The following STAM variants were observed in gnomAD, a reference collection of about 807,000 sequenced individuals.
STAM encodes the protein signal transducing adapter molecule 1.
STAM carries 16 observed loss-of-function variants against 63.4 expected under a neutral mutation model. That is an observed-to-expected ratio of 0.25 (90% CI 0.17 to 0.38). STAM has a LOEUF of 0.38. STAM is among the 10% of genes least tolerant of loss of function. STAM has a pLI of 1.00. For missense variants in STAM, 636 were observed against 657.1 expected, an observed-to-expected ratio of 0.97 and a Z score of 0.35; for synonymous variants, 238 against 223.9, an observed-to-expected ratio of 1.06 and a Z score of -0.56.
chr10:17,715,071 C>A lies in STAM; in HGVS notation c.*291C>A, dbSNP rs1354274282. On this transcript the variant is annotated 3_prime_UTR_variant, in exon 14 of 14. Transcript: ENST00000377524. ...CTCGTAAACCTGGTCTGCAGAAAGT[C>A]AAACTTACAAAAACTGTTGTGACAA... The A allele has an allele frequency of 1.0e-5, 4 of 396,470 alleles. No individual in the cohort carries two copies. The highest frequency in any genetic ancestry group is 1.9e-5 in the Non-Finnish European group (4 of 211,048). The allele number at this position is 396,470 out of a possible 1,614,324, so 24.6% of individuals were successfully genotyped here. A position where few individuals can be genotyped will look rare whatever the true frequency, so the allele number is the denominator to read the frequency against.
chr10:17,672,028 G>T (rs1834661257), intron 2 of STAM, among the ~76,000 whole-genome samples: 1 of 152,184 alleles, frequency 6.6e-6, no homozygotes, highest in Non-Finnish European at 1.5e-5. Context: ...TTTCAACTGA[G>T]ATATAGAGCT....
chr10:17,688,077 A>G lies in STAM; in HGVS notation c.348A>G (p.Thr116=). 3 of 1,610,240 alleles carry G rather than the reference A, an allele frequency of 1.9e-6. No individual in the cohort carries two copies. The highest frequency in any genetic ancestry group is 1.7e-5 in the Admixed American group (1 of 59,574). ...TAAAGGCTCTTATGGTTGAATGGAC[A>G]GATGAATTTAAGAATGATCCACAGC... The part of the protein sequence containing the change: ...EKLKALMVEW[T]DEFKNDPQLS... The change falls in exon 5 of 14, where the codon ACA becomes ACG. Residue 116 remains threonine, a synonymous_variant. Coordinates refer to ENST00000377524, the MANE Select transcript of STAM (RefSeq NM_003473.4).
intron 2 of STAM, among the ~76,000 whole-genome samples, chr10:17,662,069 A>G (rs782633173): frequency 9.9e-5 from 15 of 152,104 alleles, no homozygotes; most frequent in Middle Eastern, 3.4e-3. Flanking sequence ...TAGCGAATTA[A>G]CCCACTGGCA....
chr10:17,650,771 T>A (rs1350137577), intron 1 of STAM, among the ~76,000 whole-genome samples: 1 of 152,128 alleles, frequency 6.6e-6, no homozygotes, highest in African/African-American at 2.4e-5. Context: ...CCGTTTAAAA[T>A]ATTTCTAGAG....
At position 17,667,312 on chromosome 10, in the gene STAM, A is replaced by G. The variant is rs190554741; in HGVS notation, c.125+6764A>G. Among the ~76,000 whole-genome samples, 63 of 152,226 alleles carry G rather than the reference A, an allele frequency of 4.1e-4. No homozygotes were observed. In the East Asian group the frequency reaches 0.011, roughly 27 times the overall value. On this transcript the variant is annotated intron_variant, in intron 2 of 13. Coordinates refer to ENST00000377524, the MANE Select transcript of STAM (RefSeq NM_003473.4). ...CGGCTATTTTGTATTTTTAGTAGAC[A>G]TGGGGTTTCAACGTATTGGTCAGGT... is the stretch of plus-strand genomic sequence containing the variant.
intron 1 of STAM, among the ~76,000 whole-genome samples, chr10:17,649,194 A>G (rs1436428762): frequency 2.0e-5 from 3 of 152,186 alleles, no homozygotes; most frequent in Non-Finnish European, 2.9e-5. Flanking sequence ...CCTTGAGGCC[A>G]GGAATTGGAG....
rs573427531 is a variant in STAM at position 17,697,693 on chromosome 10, C to G, written c.823+824C>G. On this transcript the variant is annotated intron_variant, in intron 8 of 13. Transcript: ENST00000377524. ...TCTTCATAATGATGAGTTTAGTCAT[C>G]AAGCAAAGTTTAAGTCATAATCTCC... is the stretch of plus-strand genomic sequence containing the variant. 2.6e-5 allele frequency among the ~76,000 whole-genome samples: 4 copies of G among 151,900 alleles called. No homozygotes were observed. The East Asian group carries it at 7.7e-4, about 29-fold the overall frequency.
chr10:17,696,410 A>G (rs574035304), intron 7 of STAM, among the ~76,000 whole-genome samples: 1 of 152,152 alleles, frequency 6.6e-6, no homozygotes, highest in Non-Finnish European at 1.5e-5. Flanking sequence ...GCAATGATTT[A>G]GGAATGGAGA....
At chr10:17,707,175 C>T (rs1977342) in intron 12 of STAM, among the ~76,000 whole-genome samples, 18,592 of 151,872 alleles carry the variant, frequency 0.12, 1,292 homozygotes, top group East Asian at 0.27. Context: ...GTTGGGAGGC[C>T]GAGGCGGGTG....
At chr10:17,671,443 TCTC>T (rs1293863065) in intron 2 of STAM, among the ~76,000 whole-genome samples, 1 of 152,232 alleles carries the variant, frequency 6.6e-6, no homozygotes, top group Non-Finnish European at 1.5e-5. Flanking sequence ...GTATTAGACA[TCTC>T]CTCTTTTACA....
intron 4 of STAM, among the ~76,000 whole-genome samples, chr10:17,687,284 G>C (rs1485541977): frequency 6.6e-6 from 1 of 152,094 alleles, no homozygotes; most frequent in Non-Finnish European, 1.5e-5. Flanking sequence ...AGACCAGCCT[G>C]GCCAACATGG....
At chr10:17,707,725 G>A (rs181159428) in intron 12 of STAM, among the ~76,000 whole-genome samples, 34 of 152,162 alleles carry the variant, frequency 2.2e-4, no homozygotes, top group Admixed American at 5.2e-4. Flanking sequence ...TGGGTCTGTC[G>A]TTTAACAGAA....
At chr10:17,671,379 C>G (rs1175378858) in intron 2 of STAM, among the ~76,000 whole-genome samples, 3 of 152,310 alleles carry the variant, frequency 2.0e-5, no homozygotes, top group Non-Finnish European at 4.4e-5. Context: ...TGTTGAGAGT[C>G]TCTAAATCCC....
At chr10:17,648,115 A>G (rs1308853129) in intron 1 of STAM, among the ~76,000 whole-genome samples, 2 of 152,216 alleles carry the variant, frequency 1.3e-5, no homozygotes, top group Admixed American at 6.5e-5. Flanking sequence ...TATCAGCAAG[A>G]TATTTTGGCT....
intron 2 of STAM, among the ~76,000 whole-genome samples, chr10:17,673,376 A>G (rs1004710292): frequency 5.3e-5 from 8 of 152,218 alleles, no homozygotes; most frequent in East Asian, 1.9e-4. Flanking sequence ...TAGTTGTACA[A>G]TAGTGAAAAG....
intron 2 of STAM, among the ~76,000 whole-genome samples, chr10:17,674,197 A>G (rs1409990301): frequency 2.0e-5 from 3 of 152,262 alleles, no homozygotes; most frequent in South Asian, 2.1e-4. Flanking sequence ...ACAATTCTAA[A>G]TAATATGACT....
intron 13 of STAM, 33 bp downstream of exon 13, chr10:17,708,984 G>A (rs782605449): frequency 8.7e-6 from 14 of 1,603,558 alleles, no homozygotes; most frequent in Non-Finnish European, 1.2e-5. Context: ...TTTGGAGTTA[G>A]TGCTGTTACA....
chr10:17,668,490 G>A (rs1015649341), intron 2 of STAM, among the ~76,000 whole-genome samples: 1 of 152,094 alleles, frequency 6.6e-6, no homozygotes, highest in African/African-American at 2.4e-5. Flanking sequence ...GTTTTGTACA[G>A]GTCAATGGGT....
intron 6 of STAM, among the ~76,000 whole-genome samples, chr10:17,694,110 A>G (rs374711515): frequency 7.9e-5 from 12 of 152,256 alleles, no homozygotes; most frequent in African/African-American, 2.6e-4. Context: ...CTTTTGTTAA[A>G]TAAAATAATG....
Sources: gnomAD v4.1 joint callset for allele counts (sites outside exome capture counted in the v4.1 genomes callset) on GRCh38, gnomAD v4.1.1 for gene constraint, MANE v1.5 for transcripts, NCBI Gene and HGNC (gene_info 2026-07-23, HGNC 2026-07-21) for gene names.